NAV1: variants seen among roughly 807,000 people sequenced by gnomAD.
NAV1 encodes neuron navigator 1.
A neutral mutation model predicts 175.2 loss-of-function variants in NAV1; 18 were observed. That is an observed-to-expected ratio of 0.10 (90% confidence interval 0.07 to 0.15). The LOEUF (loss-of-function observed/expected upper bound fraction) is 0.15. NAV1 is among the 10% of genes least tolerant of loss of function. The pLI, the probability that NAV1 is intolerant of heterozygous loss-of-function variation, is 1.00. For synonymous variants in NAV1, 897 were observed against 978.7 expected, an observed-to-expected ratio of 0.92 and a Z score of 1.56; for missense variants, 1,731 against 2,436.6, an observed-to-expected ratio of 0.71 and a Z score of 6.10.
intron 1 of NAV1, among the ~76,000 whole-genome samples, chr1:201,551,481 G>A (rs1235013247): frequency 1.3e-5 from 2 of 152,036 alleles, no homozygotes; most frequent in Admixed American, 6.6e-5. Context: ...TTCCCATCTC[G>A]GCCTCCCAAA....
intron 1 of NAV1, among the ~76,000 whole-genome samples, chr1:201,546,512 T>C (rs1292963906): frequency 1.3e-5 from 2 of 152,008 alleles, no homozygotes; most frequent in Admixed American, 1.3e-4. Flanking sequence ...GGTGAAAGAC[T>C]GACTAGTACG....
Position 201,633,612 on chromosome 1 carries a change from C to G in NAV1, c.4+4105C>G, listed in dbSNP as rs544557668. 5.3e-5 allele frequency among the ~76,000 whole-genome samples: 8 copies of G among 152,340 alleles called. No individual in the cohort carries two copies. In the East Asian group the frequency reaches 1.5e-3, roughly 29 times the overall value. Reference sequence around the variant, plus strand: ...GAGCCACAGTCCCTGCTCACATCTCCCTCAATCTGAGCAGGTCCCAGGATG... The same window carrying G: ...GAGCCACAGTCCCTGCTCACATCTCGCTCAATCTGAGCAGGTCCCAGGATG... On this transcript the variant is annotated intron_variant, in intron 2 of 29. Transcript: ENST00000367302.
At chr1:201,607,868 T>C (rs1667730078) in intron 2 of NAV1, among the ~76,000 whole-genome samples, 1 of 106,264 alleles carries the variant, frequency 9.4e-6, no homozygotes, top group Admixed American at 1.1e-4. Context: ...ATGATAACTT[T>C]ATTGTGTGTG....
intron 1 of NAV1, among the ~76,000 whole-genome samples, chr1:201,662,643 A>G (rs968123830): frequency 6.6e-6 from 1 of 152,212 alleles, no homozygotes; most frequent in African/African-American, 2.4e-5. Flanking sequence ...TATATGGATT[A>G]TCTAGAAGAG....
chr1:201,735,790 C>T (rs113008361), intron 3 of NAV1, among the ~76,000 whole-genome samples: 6,151 of 152,262 alleles, frequency 0.04, 168 homozygotes, highest in Non-Finnish European at 0.057. Flanking sequence ...CTGTCAAGGT[C>T]ACGACAGATG....
In NAV1 at chr1:201,787,772, A is replaced by G. The variant is rs1676858544; in HGVS notation, c.2996-696A>G. On this transcript the variant is annotated intron_variant, in intron 9 of 29. Coordinates refer to ENST00000367296, the Ensembl canonical transcript of NAV1. The surrounding 1 kb of genome is among the most constrained non-coding windows in gnomAD (Gnocchi z 4.3). Reference sequence around the variant, plus strand: ...AATCCCAGCAATGGGCAAAGGGGTAAGGCATCTGCAGGTTAACGGGATTCA... The same window carrying G: ...AATCCCAGCAATGGGCAAAGGGGTAGGGCATCTGCAGGTTAACGGGATTCA... The G allele has an allele frequency of 2.2e-6, 1 of 453,708 alleles. No individual in the cohort carries two copies. The highest frequency in any genetic ancestry group is 1.6e-5 in the South Asian group (1 of 64,212). 28.1% of individuals were successfully genotyped at this position (453,708 alleles called of 1,614,324 possible).
At chr1:201,797,575 A>T (rs1256481659) in intron 15 of NAV1, 5 of 152,208 alleles carry the variant, frequency 3.3e-5, no homozygotes. Context: ...GATTGCATTG[A>T]ATCTGTATAT....
At chr1:201,769,940 G>T (rs1414664049) in intron 3 of NAV1, among the ~76,000 whole-genome samples, 1 of 152,222 alleles carries the variant, frequency 6.6e-6, no homozygotes, top group Non-Finnish European at 1.5e-5. Context: ...CAGATTCAGT[G>T]TTCAAGTCTG....
chr1:201,716,015 GAAA>G (rs1047719176), intron 2 of NAV1, among the ~76,000 whole-genome samples: 1 of 150,218 alleles, frequency 6.7e-6, no homozygotes, highest in African/African-American at 2.4e-5. Flanking sequence ...TGGGGGAACT[GAAA>G]AAAAAAGAGA....
At chr1:201,693,580 C>A (rs1558072582) in intron 1 of NAV1, among the ~76,000 whole-genome samples, 1 of 152,112 alleles carries the variant, frequency 6.6e-6, no homozygotes. Context: ...GCTCAGAGAT[C>A]AAATGTTCCA....
intron 2 of NAV1, among the ~76,000 whole-genome samples, chr1:201,640,667 C>T (rs768841389): frequency 6.6e-5 from 10 of 152,194 alleles, no homozygotes; most frequent in Non-Finnish European, 1.0e-4. Flanking sequence ...CTCACTCTGG[C>T]CCAGGGCTTC....
At chr1:201,744,461 A>C (rs1004439288) in intron 3 of NAV1, among the ~76,000 whole-genome samples, 5 of 152,104 alleles carry the variant, frequency 3.3e-5, no homozygotes, top group Non-Finnish European at 7.4e-5. Context: ...TGCATTTAGG[A>C]GCTATGTTTT....
upstream of NAV1, among the ~76,000 whole-genome samples, chr1:201,644,172 A>T (rs182993744): frequency 2.6e-5 from 4 of 152,288 alleles, no homozygotes; most frequent in African/African-American, 9.6e-5. Flanking sequence ...CCCTCATCAC[A>T]TAACCTCTTC....
chr1:201,713,304 T>C (rs1671990721), intron 2 of NAV1, among the ~76,000 whole-genome samples: 1 of 152,204 alleles, frequency 6.6e-6, no homozygotes, highest in South Asian at 2.1e-4. Flanking sequence ...TAAGTCTCCA[T>C]TAAACTAGGG....
intron 1 of NAV1, among the ~76,000 whole-genome samples, chr1:201,546,356 G>A (rs756349437): frequency 2.0e-5 from 3 of 152,200 alleles, no homozygotes; most frequent in Non-Finnish European, 2.9e-5. Flanking sequence ...CTCACTGGGT[G>A]AGTCTGTGGA....
At chr1:201,741,988 C>G (rs1481852344) in intron 3 of NAV1, among the ~76,000 whole-genome samples, 1 of 152,200 alleles carries the variant, frequency 6.6e-6, no homozygotes, top group Non-Finnish European at 1.5e-5. Flanking sequence ...ACCTACCCAG[C>G]CTACTAGGGT....
intron 2 of NAV1, among the ~76,000 whole-genome samples, chr1:201,630,022 A>C (rs1157933047): frequency 6.6e-6 from 1 of 152,168 alleles, no homozygotes; most frequent in Non-Finnish European, 1.5e-5. Context: ...AAGATCCCTA[A>C]ATTTCAAATA....
chr1:201,594,966 G>A (rs1667312517), intron 2 of NAV1, among the ~76,000 whole-genome samples: 1 of 152,250 alleles, frequency 6.6e-6, no homozygotes, highest in East Asian at 1.9e-4. Flanking sequence ...GCAAGGGCAA[G>A]GTGCTTTGCT....
At chr1:201,665,590 A>ACCCCCC (rs3053790) in intron 1 of NAV1, among the ~76,000 whole-genome samples, 7 of 128,526 alleles carry the variant, frequency 5.4e-5, no homozygotes, top group South Asian at 2.5e-4. Flanking sequence ...AGAGCACCCC[A>ACCCCCC]CCCCCCCCAC....
Sources: allele counts gnomAD v4.1 joint callset (sites outside exome capture counted in the v4.1 genomes callset), GRCh38; gene constraint gnomAD v4.1.1; non-coding constraint Gnocchi (gnomAD v3.1); transcripts MANE v1.5; gene names NCBI Gene and HGNC (gene_info 2026-07-23, HGNC 2026-07-21).